Variants in CSGALNACT1 observed in about 807,000 individuals in gnomAD.
The protein encoded by CSGALNACT1 is beta4GalNAcT-1.
CSGALNACT1 carries 52 observed loss-of-function variants against 51.0 expected under a neutral mutation model. The ratio of observed to expected loss-of-function variants is 1.02; its 90% CI spans 0.82 to 1.29. The LOEUF is 1.29. Ranked by LOEUF, CSGALNACT1 falls within the 50% of genes most tolerant of loss-of-function variation. CSGALNACT1 has a pLI of 0.00. For missense variants in CSGALNACT1, 935 were observed against 679.2 expected (o/e 1.38, Z -4.19); for synonymous variants, 341 against 254.4 (o/e 1.34, Z -3.24).
At chr8:19,657,637 T>C (rs937526318) in intron 1 of CSGALNACT1, among the ~76,000 whole-genome samples, 2 of 152,082 alleles carry the variant, frequency 1.3e-5, no homozygotes, top group South Asian at 2.1e-4. Context: ...AAAAAGTAAA[T>C]CTCAATCTAG....
At chr8:19,601,858 G>T (rs145053554) in exon 2 of CSGALNACT1, 2 of 453,954 alleles carry the variant, frequency 4.4e-6, no homozygotes, top group East Asian at 7.0e-5. Context: ...CTTGAAATAG[G>T]AAGGCAGCTA....
intron 3 of CSGALNACT1, among the ~76,000 whole-genome samples, chr8:19,573,607 G>C (rs115211998): frequency 0.043 from 6,537 of 152,044 alleles, 422 homozygotes; most frequent in African/African-American, 0.14. Context: ...CCACATCCAG[G>C]TAATTTTTGT....
intron 1 of CSGALNACT1, among the ~76,000 whole-genome samples, chr8:19,667,212 G>A (rs916206742): frequency 6.6e-6 from 1 of 151,072 alleles, no homozygotes; most frequent in African/African-American, 2.4e-5. Flanking sequence ...CTTGAGCTCT[G>A]GAGTTTGAGA....
chr8:19,408,074 C>T (rs975957965), intron 9 of CSGALNACT1, among the ~76,000 whole-genome samples: 5 of 152,138 alleles, frequency 3.3e-5, no homozygotes, highest in African/African-American at 1.2e-4. Flanking sequence ...TTCCCTCATA[C>T]CCTTACTGGG....
intron 1 of CSGALNACT1, among the ~76,000 whole-genome samples, chr8:19,721,211 A>T (rs2063110683): frequency 6.6e-6 from 1 of 152,126 alleles, no homozygotes; most frequent in Admixed American, 6.5e-5. Flanking sequence ...TCCTGTCACC[A>T]CCATTTCCAA....
At chr8:19,581,361 G>C (rs1046939932) in intron 3 of CSGALNACT1, among the ~76,000 whole-genome samples, 1 of 152,118 alleles carries the variant, frequency 6.6e-6, no homozygotes, top group South Asian at 2.1e-4. Context: ...CACCTACTTT[G>C]CAATTAGTAA....
At chr8:19,699,792 T>C (rs2061763807) in intron 1 of CSGALNACT1, among the ~76,000 whole-genome samples, 1 of 152,170 alleles carries the variant, frequency 6.6e-6, no homozygotes, top group Non-Finnish European at 1.5e-5. Context: ...AAATTTTATG[T>C]TCAGTGTATT....
chr8:19,595,197 C>G (rs970882758), intron 2 of CSGALNACT1, among the ~76,000 whole-genome samples: 2 of 151,692 alleles, frequency 1.3e-5, no homozygotes, highest in Non-Finnish European at 2.9e-5. Flanking sequence ...GTTAACCATC[C>G]CGTTTTAAAT....
intron 4 of CSGALNACT1, among the ~76,000 whole-genome samples, chr8:19,481,192 AT>A (rs11289605): frequency 0.78 from 118,374 of 151,932 alleles, 46,364 homozygotes; most frequent in East Asian, 0.86. Context: ...TTCTAACTTT[AT>A]TTTGCCACCG....
chr8:19,703,308 G>C (rs2061982069), intron 1 of CSGALNACT1, among the ~76,000 whole-genome samples: 2 of 152,032 alleles, frequency 1.3e-5, no homozygotes, highest in South Asian at 4.2e-4. Flanking sequence ...TTGGTTTGTT[G>C]GTTGGTTGGT....
chr8:19,668,332 AT>A (rs1481666526), intron 1 of CSGALNACT1, among the ~76,000 whole-genome samples: 2 of 127,832 alleles, frequency 1.6e-5, no homozygotes, highest in Admixed American at 1.6e-4. Context: ...TTGCACATAC[AT>A]GCACGGTTAC....
intron 3 of CSGALNACT1, among the ~76,000 whole-genome samples, chr8:19,565,539 C>T (rs1037703769): frequency 6.6e-6 from 1 of 152,158 alleles, no homozygotes; most frequent in African/African-American, 2.4e-5. Flanking sequence ...ACAAGAAGTT[C>T]AAAGGATAAA....
rs533094931 is a variant in CSGALNACT1 at position 19,581,327 on chromosome 8, T to G, written c.-297+9833A>C. Among the ~76,000 whole-genome samples the G allele has an allele frequency of 1.1e-4, 17 of 152,318 alleles. No homozygotes were observed. In the East Asian group the frequency reaches 3.1e-3, roughly 28 times the overall value. On this transcript the variant is annotated intron_variant, in intron 3 of 9. Coordinates refer to ENST00000454498, the Ensembl canonical transcript of CSGALNACT1. ...GCCTGACTCATAGTTTCATACTCAA[T>G]TATGCTATTTTGATATCCCCTCTCA...
intron 1 of CSGALNACT1, among the ~76,000 whole-genome samples, chr8:19,644,746 T>C (rs971861850): frequency 6.4e-5 from 8 of 125,286 alleles, no homozygotes; most frequent in Non-Finnish European, 1.2e-4. Context: ...AGAGGAAACA[T>C]AGCTAGTCAT....
chr8:19,682,795 C>G (rs1552776), upstream of CSGALNACT1: 119,026 of 452,964 alleles, frequency 0.26, 16,916 homozygotes, highest in Middle Eastern at 0.32. Flanking sequence ...TTTTAAGCAG[C>G]CTTTCCGGCC....
intron 3 of CSGALNACT1, among the ~76,000 whole-genome samples, chr8:19,557,132 C>A (rs368823738): frequency 1.3e-5 from 2 of 152,120 alleles, no homozygotes; most frequent in South Asian, 4.2e-4. Context: ...CCCTTGCACC[C>A]CAGATCCAAT....
At chr8:19,490,457 G>C (rs1365988352) in intron 4 of CSGALNACT1, among the ~76,000 whole-genome samples, 1 of 152,170 alleles carries the variant, frequency 6.6e-6, no homozygotes, top group African/African-American at 2.4e-5. Context: ...GGGAGTACTG[G>C]GAAGGGGAAA....
intron 3 of CSGALNACT1, among the ~76,000 whole-genome samples, chr8:19,537,130 T>A (rs916343754): frequency 2.0e-5 from 3 of 152,202 alleles, no homozygotes; most frequent in African/African-American, 4.8e-5. Context: ...TTAAGCAGAA[T>A]TCTTTCCTCA....
At chr8:19,700,347 G>A (rs980802687) in intron 1 of CSGALNACT1, among the ~76,000 whole-genome samples, 3 of 152,048 alleles carry the variant, frequency 2.0e-5, no homozygotes, top group South Asian at 2.1e-4. Context: ...TCATTATAAT[G>A]TGTTGCCATG....
Sources: gnomAD v4.1 joint callset for allele counts (sites outside exome capture counted in the v4.1 genomes callset) on GRCh38, gnomAD v4.1.1 for gene constraint, MANE v1.5 for transcripts, NCBI Gene and HGNC (gene_info 2026-07-23, HGNC 2026-07-21) for gene names.